Variants in PYGB observed in about 807,000 individuals in gnomAD.
PYGB encodes glycogen phosphorylase, brain form.
A neutral mutation model predicts 94.3 loss-of-function variants in PYGB; 82 were observed. The ratio of observed to expected loss-of-function variants is 0.87; its 90% CI spans 0.73 to 1.04. PYGB has a LOEUF of 1.04. PYGB is among the 50% of genes least tolerant of loss of function. The pLI is 0.00. For synonymous variants in PYGB, 488 were observed against 479.1 expected, an observed-to-expected ratio of 1.02 and a Z score of -0.24; for missense variants, 1,132 against 1,158.2, an observed-to-expected ratio of 0.98 and a Z score of 0.33.
intron 15 of PYGB, among the ~76,000 whole-genome samples, chr20:25,290,183 G>A (rs1568698360): frequency 6.6e-6 from 1 of 152,202 alleles, no homozygotes; most frequent in South Asian, 2.1e-4. Flanking sequence ...CTGTCAGTCG[G>A]CAGCTCTAGA....
At position 25,282,053 on chromosome 20, in the gene PYGB, T is replaced by C. The variant is rs2088372389; in HGVS notation, c.1424T>C (p.Leu475Pro). 1 of 1,613,680 alleles carries C rather than the reference T, an allele frequency of 6.2e-7. No homozygotes were observed. Among genetic ancestry groups the C allele is most frequent in the Admixed American group, 1.7e-5 (1 of 60,014 alleles). Residue 475 changes from leucine (L) to proline (P), a missense_variant, in exon 12 of 20, where the codon CTG becomes CCG. Coordinates refer to ENST00000216962, the MANE Select transcript of PYGB (RefSeq NM_002862.4). ...KQSVFKDFYELEPEKFQNKTN... is the reference protein window; with the variant it reads ...KQSVFKDFYEPEPEKFQNKTN... ...TGCAGCTTTAAGGATTTTTATGAAC[T>C]GGAGCCAGAGAAGTTCCAGAATAAG...
In PYGB at chr20:25,274,713, T is replaced by C; in HGVS notation, c.650T>C (p.Leu217Pro). ...VEHTPDGVKW[L>P]DTQVVLAMPY... ...CACACCCCCGACGGCGTGAAGTGGC[T>C]GGACACACAGGTACCTGGGCTGAAA... The change falls in exon 5 of 20, where the codon CTG becomes CCG. Residue 217 changes from leucine to proline, a missense_variant. Physicochemically the swap from Leu to Pro is moderately conservative, Grantham distance 98 (BLOSUM62 -3). Transcript: ENST00000216962. 6.2e-7 allele frequency: 1 copy of C among 1,612,828 alleles called. No homozygotes were observed. Among genetic ancestry groups the C allele is most frequent in the Non-Finnish European group, 8.5e-7 (1 of 1,179,808 alleles).
intron 1 of PYGB, among the ~76,000 whole-genome samples, chr20:25,252,356 C>T (rs2092890379): frequency 6.6e-6 from 1 of 152,172 alleles, no homozygotes. Context: ...ACGTGGATGT[C>T]CCTCTGGGGG....
At chr20:25,261,514 AC>A (rs2092913497) in intron 2 of PYGB, among the ~76,000 whole-genome samples, 1 of 152,202 alleles carries the variant, frequency 6.6e-6, no homozygotes, top group South Asian at 2.1e-4. Context: ...GGTAGATAAA[AC>A]CACAAAGATG....
In PYGB at chr20:25,259,473, T is replaced by C. The variant is rs1568684036; in HGVS notation, c.345+135T>C. 3 of 658,234 alleles carry C rather than the reference T, an allele frequency of 4.6e-6. No homozygotes were observed. In the East Asian group the frequency reaches 8.4e-5, roughly 18 times the overall value. 40.8% of individuals were successfully genotyped at this position (658,234 alleles called of 1,614,324 possible). ...GAATCGGGAGATTTACGGCCTGTTC[T>C]CCCCTCCTGGAAGGAATGGGTTGGC... On this transcript the variant is annotated intron_variant, in intron 2 of 19. Coordinates refer to ENST00000216962, the MANE Select transcript of PYGB (RefSeq NM_002862.4).
chr20:25,259,553 G>T (rs2281558), intron 2 of PYGB, among the ~76,000 whole-genome samples: 35,247 of 152,104 alleles, frequency 0.23, 4,568 homozygotes, highest in East Asian at 0.58. Context: ...GACCGCAAGC[G>T]TGGGGTTGAA....
chr20:25,253,179 T>C (rs753559765), intron 1 of PYGB, among the ~76,000 whole-genome samples: 1 of 152,240 alleles, frequency 6.6e-6, no homozygotes, highest in Non-Finnish European at 1.5e-5. Flanking sequence ...ACCAGCTACC[T>C]TGCACCAGAG....
intron 18 of PYGB, 100 bp downstream of exon 18, chr20:25,294,392 C>T (rs905306248): frequency 8.5e-6 from 12 of 1,409,966 alleles, no homozygotes; most frequent in African/African-American, 4.3e-5. Flanking sequence ...GAGCAAAACC[C>T]GTGCTTTCAG....
At chr20:25,280,481 T>C in intron 10 of PYGB, 69 bp downstream of exon 10, 1 of 1,557,870 alleles carries the variant, frequency 6.4e-7, no homozygotes, top group Non-Finnish European at 8.8e-7. Context: ...CCACCTGGCC[T>C]GGGAGAGGAG....
intron 2 of PYGB, among the ~76,000 whole-genome samples, chr20:25,261,165 G>T (rs981370134): frequency 3.9e-5 from 6 of 152,212 alleles, no homozygotes; most frequent in Non-Finnish European, 8.8e-5. Context: ...TCTGAGAATG[G>T]ACAGACTGCT....
chr20:25,289,604 A>G (rs2088447622), intron 15 of PYGB, among the ~76,000 whole-genome samples: 1 of 151,998 alleles, frequency 6.6e-6, no homozygotes, highest in South Asian at 2.1e-4. Context: ...TGATTGCACT[A>G]CTGCACTCCA....
At chr20:25,287,062 A>ACGCCTGTCCAGGGTGGC (rs1467985236) in intron 14 of PYGB, among the ~76,000 whole-genome samples, 3 of 152,152 alleles carry the variant, frequency 2.0e-5, no homozygotes, top group Non-Finnish European at 2.9e-5. Flanking sequence ...TCGCTGGTGA[A>ACGCCTGTCCAGGGTGGC]CGCCTGTCCA....
At chr20:25,259,921 A>G (rs2092909892) in intron 2 of PYGB, among the ~76,000 whole-genome samples, 1 of 152,126 alleles carries the variant, frequency 6.6e-6, no homozygotes, top group African/African-American at 2.4e-5. Context: ...CTGAGTCTCT[A>G]GAGTATAACC....
chr20:25,270,187 G>GTTTTTTTTT (rs1555806349), intron 3 of PYGB, among the ~76,000 whole-genome samples: 1 of 130,120 alleles, frequency 7.7e-6, no homozygotes, highest in African/African-American at 3.3e-5. Context: ...TAATCCTGAA[G>GTTTTTTTTT]TTTTTTTTGT....
At chr20:25,289,924 C>A in intron 15 of PYGB, 1 of 533,580 alleles carries the variant, frequency 1.9e-6, no homozygotes, top group Admixed American at 1.9e-5. Flanking sequence ...CTGAAATGTT[C>A]ACTCGGGTAC....
chr20:25,269,036 G>A, intron 2 of PYGB, 93 bp from the exon 3 acceptor site: 1 of 1,107,978 alleles, frequency 9.0e-7, no homozygotes, highest in Non-Finnish European at 1.4e-6. Context: ...CTAACTTTTA[G>A]CATAAGCTCA....
chr20:25,261,956 G>A (rs1169698692), intron 2 of PYGB, among the ~76,000 whole-genome samples: 2 of 152,176 alleles, frequency 1.3e-5, no homozygotes, highest in Non-Finnish European at 2.9e-5. Flanking sequence ...AATGAACAAA[G>A]CCTCCAAGAA....
chr20:25,256,525 A>C (rs1307732799), intron 1 of PYGB, among the ~76,000 whole-genome samples: 2 of 152,158 alleles, frequency 1.3e-5, no homozygotes, highest in Admixed American at 6.5e-5. Context: ...CAAAAACAAA[A>C]AACAGGCTGG....
At chr20:25,248,746 C>A (rs2092878833) in intron 1 of PYGB, among the ~76,000 whole-genome samples, 1 of 151,646 alleles carries the variant, frequency 6.6e-6, no homozygotes, top group Admixed American at 6.5e-5. Flanking sequence ...TCCGCGCTGG[C>A]TGCAGAGCCG....
Sources: allele counts gnomAD v4.1 joint callset (sites outside exome capture counted in the v4.1 genomes callset), GRCh38; gene constraint gnomAD v4.1.1; transcripts MANE v1.5; gene names NCBI Gene and HGNC (gene_info 2026-07-23, HGNC 2026-07-21).